HIC2: variants seen among roughly 807,000 people sequenced by gnomAD.
HIC2 encodes hypermethylated in cancer 2 protein.
HIC2 carries 2 observed loss-of-function variants against 39.5 expected under a neutral mutation model. That is an observed-to-expected ratio of 0.05 (90% CI 0.02 to 0.16). HIC2 has a LOEUF of 0.16. HIC2 is among the 10% of genes least tolerant of loss of function. The pLI is 1.00. For missense variants in HIC2, 713 were observed against 863.5 expected, an observed-to-expected ratio of 0.83 and a Z score of 2.18; for synonymous variants, 399 against 368.8, an observed-to-expected ratio of 1.08 and a Z score of -0.94.
rs1318800913 is a variant in HIC2 at position 21,447,699 on chromosome 22, G to A, written c.*956G>A. 1 of 150,958 alleles carries A rather than the reference G, an allele frequency of 6.6e-6. No individual in the cohort carries two copies. The highest frequency in any genetic ancestry group is 2.5e-5 in the African/African-American group (1 of 40,706). 9.4% of individuals were successfully genotyped at this position (150,958 alleles called of 1,614,324 possible). A position where few individuals can be genotyped will look rare whatever the true frequency, so the allele number is the denominator to read the frequency against. ...GTTTATGTGACTGTTTGAACTGGAA[G>A]GTCTGGGGTTCCGGGGGGTGGGGGG... On this transcript the variant is annotated 3_prime_UTR_variant, in exon 3 of 3. Coordinates refer to ENST00000407464, the MANE Select transcript of HIC2 (RefSeq NM_015094.3).
chr22:21,445,656 C>T lies in HIC2; in HGVS notation c.761C>T (p.Pro254Leu). 6.2e-7 allele frequency: 1 copy of T among 1,601,694 alleles called. No individual in the cohort carries two copies. Among genetic ancestry groups the T allele is most frequent in the Non-Finnish European group, 8.5e-7 (1 of 1,175,200 alleles). The change falls in exon 3 of 3, where the codon CCA (proline) becomes CTA (leucine). Residue 254 changes from proline to leucine, a missense_variant. Physicochemically the swap from Pro to Leu is moderately conservative, Grantham distance 98 (BLOSUM62 -3). Coordinates refer to ENST00000407464, the MANE Select transcript of HIC2 (RefSeq NM_015094.3). Reference protein sequence around the residue: ...ELGLDLSKKSPPLPPATPGPH... With the variant: ...ELGLDLSKKSLPLPPATPGPH... The stretch of plus-strand genomic sequence containing the variant: ...GGCTTGGACCTGTCCAAGAAAAGCC[C>T]ACCCTTGCCCCCTGCCACCCCAGGT...
chr22:21,438,066 G>A (rs1923456707), intron 1 of HIC2, among the ~76,000 whole-genome samples: 1 of 147,592 alleles, frequency 6.8e-6, no homozygotes, highest in Non-Finnish European at 1.5e-5. Context: ...AGGATCCTAG[G>A]AGGGCTAGGC....
chr22:21,421,758 T>C (rs1923083094), intron 1 of HIC2, among the ~76,000 whole-genome samples: 1 of 74,424 alleles, frequency 1.3e-5, no homozygotes. Flanking sequence ...TGGGGTGTGG[T>C]GAGGAGGGAG....
At position 21,417,523 on chromosome 22, in the gene HIC2, C is replaced by T. The variant is rs1922911932; in HGVS notation, c.-111C>T. On this transcript the variant is annotated 5_prime_UTR_variant, in exon 1 of 3. Transcript: ENST00000407464. ...GACAAGGGCCGCTGGTAGGGCCGGC[C>T]GGCCGGCGGGCGGAGCGCCGCCGCC... 6.8e-6 allele frequency: 1 copy of T among 146,282 alleles called. No homozygotes were observed. The highest frequency in any genetic ancestry group is 1.5e-5 in the Non-Finnish European group (1 of 65,910). 9.1% of individuals were successfully genotyped at this position (146,282 alleles called of 1,614,324 possible).
Position 21,451,404 on chromosome 22 carries a change from A to C in HIC2, c.*4661A>C, listed in dbSNP as rs751051115. 1 of 152,798 alleles carries C rather than the reference A, an allele frequency of 6.5e-6. No homozygotes were observed. The highest frequency in any genetic ancestry group is 2.4e-5 in the African/African-American group (1 of 41,448). The allele number at this position is 152,798 out of a possible 1,614,324, so 9.5% of individuals were successfully genotyped here. A position where few individuals can be genotyped will look rare whatever the true frequency, so the allele number is the denominator to read the frequency against. On this transcript the variant is annotated 3_prime_UTR_variant, in exon 3 of 3. Transcript: ENST00000407464. ...CTCCATTCAGAAGTGTGCAGTCTTA[A>C]ATGTACAGCGATAAGAAACTGTTAT... is the stretch of plus-strand genomic sequence containing the variant.
At position 21,446,646 on chromosome 22, in the gene HIC2, C is replaced by T. The variant is rs1285178042; in HGVS notation, c.1751C>T (p.Ser584Leu). The T allele has an allele frequency of 2.5e-6, 4 of 1,613,876 alleles. No homozygotes were observed. Among genetic ancestry groups the T allele is most frequent in the African/African-American group, 1.3e-5 (1 of 75,050 alleles). ...CTCACGGAGCACATGCGTGTGCACT[C>T]GGGCGAGAAACCTTACGAGTGCCAG... ...YRLTEHMRVH[S>L]GEKPYECQLC... The change falls in exon 3 of 3, where the codon TCG (serine) becomes TTG (leucine). Residue 584 changes from serine (S) to leucine (L), a missense_variant. Physicochemically the swap from Ser to Leu is moderately radical, Grantham distance 145 (BLOSUM62 -2). This residue lies in a region of HIC2 where 40 missense variants were observed against 124.4 expected (regional missense o/e 0.32). Coordinates refer to ENST00000407464, the MANE Select transcript of HIC2 (RefSeq NM_015094.3).
In HIC2 at chr22:21,445,485, C is replaced by A; in HGVS notation, c.590C>A (p.Ser197Ter). Reference protein sequence around the residue: ...APQELPQAKGSDDELFLGGSN... With the variant: ...APQELPQAKG ...CAGGAGCTCCCCCAAGCCAAAGGCT[C>A]AGACGATGAACTCTTTCTTGGTGGC... Residue 197 changes from serine (S) to a stop codon, truncating the protein, a stop_gained, in exon 3 of 3, where the codon TCA (serine) becomes TAA (stop). Coordinates refer to ENST00000407464, the MANE Select transcript of HIC2 (RefSeq NM_015094.3). LOFTEE classifies it high-confidence loss of function. The A allele has an allele frequency of 1.3e-6, 2 of 1,576,724 alleles. No individual in the cohort carries two copies. Among genetic ancestry groups the A allele is most frequent in the Admixed American group, 1.9e-5 (1 of 51,708 alleles).
chr22:21,438,268 C>G (rs1463595769), intron 1 of HIC2, among the ~76,000 whole-genome samples: 2 of 152,122 alleles, frequency 1.3e-5, no homozygotes, highest in African/African-American at 2.4e-5. Context: ...GTCATGGCCT[C>G]CAGAAGGAGC....
At position 21,450,182 on chromosome 22, in the gene HIC2, C is replaced by T. The variant is rs777256361; in HGVS notation, c.*3439C>T. On this transcript the variant is annotated 3_prime_UTR_variant, in exon 3 of 3. Coordinates refer to ENST00000407464, the MANE Select transcript of HIC2 (RefSeq NM_015094.3). ...GGTGGCAGGCCGGGCTCCGCCACTG[C>T]ATGCTCCCGCCGGACCGAGCCCCAG... 13 of 152,732 alleles carry T rather than the reference C, an allele frequency of 8.5e-5. No homozygotes were observed. Among genetic ancestry groups the T allele is most frequent in the South Asian group, 2.1e-4 (1 of 4,834 alleles). 9.5% of individuals were successfully genotyped at this position (152,732 alleles called of 1,614,324 possible).
chr22:21,432,644 C>G (rs1455853832), intron 1 of HIC2, among the ~76,000 whole-genome samples: 1 of 134,752 alleles, frequency 7.4e-6, no homozygotes. Context: ...CCATGGCACT[C>G]TAGCCTGGGC....
chr22:21,446,861 C>T lies in HIC2; in HGVS notation c.*118C>T, dbSNP rs1923873310. 7.5e-7 allele frequency: 1 copy of T among 1,331,300 alleles called. No homozygotes were observed. The highest frequency in any genetic ancestry group is 2.7e-5 in the Admixed American group (1 of 37,720). The allele number at this position is 1,331,300 out of a possible 1,614,324, so 82.5% of individuals were successfully genotyped here. On this transcript the variant is annotated 3_prime_UTR_variant, in exon 3 of 3. Transcript: ENST00000407464. ...TGGGTCCAGTGGAGGCTCCGGGTGG[C>T]CCCTCTGGCCCCCACTGCCCACACC...
chr22:21,449,834 C>T lies in HIC2; in HGVS notation c.*3091C>T, dbSNP rs751985491. 34 of 152,756 alleles carry T rather than the reference C, an allele frequency of 2.2e-4. No homozygotes were observed. Among genetic ancestry groups the T allele is most frequent in the Non-Finnish European group, 2.3e-4 (16 of 68,100 alleles). The allele number at this position is 152,756 out of a possible 1,614,324, so 9.5% of individuals were successfully genotyped here. Reference sequence around the variant, plus strand: ...ATGCTGGTCCTGACCAGCTAGCCTACGCGGGGATGGCCGTCAGTTCTGGCC... The same window carrying T: ...ATGCTGGTCCTGACCAGCTAGCCTATGCGGGGATGGCCGTCAGTTCTGGCC... On this transcript the variant is annotated 3_prime_UTR_variant, in exon 3 of 3. Transcript: ENST00000407464.
rs566005051 is a variant in HIC2, at chr22:21,449,053, A to G, written c.*2310A>G. On this transcript the variant is annotated 3_prime_UTR_variant, in exon 3 of 3. Coordinates refer to ENST00000407464, the MANE Select transcript of HIC2 (RefSeq NM_015094.3). ...TTGCAGAACTTCAGGGACTGGGAGC[A>G]GAGGCCCCTCACTCAACGACGTTTG... 3.3e-5 allele frequency: 5 copies of G among 152,714 alleles called. No individual in the cohort carries two copies. The highest frequency in any genetic ancestry group is 1.2e-4 in the African/African-American group (5 of 41,460). The allele number at this position is 152,714 out of a possible 1,614,324, so 9.5% of individuals were successfully genotyped here. A position where few individuals can be genotyped will look rare whatever the true frequency, so the allele number is the denominator to read the frequency against.
intron 2 of HIC2, among the ~76,000 whole-genome samples, chr22:21,443,984 C>G (rs1482382177): frequency 6.6e-6 from 1 of 152,228 alleles, no homozygotes; most frequent in Non-Finnish European, 1.5e-5. Context: ...CTGTGGGGTG[C>G]CTGGTCCATG....
In HIC2 at chr22:21,450,321, C is replaced by G. The variant is rs533358611; in HGVS notation, c.*3578C>G. The G allele has an allele frequency of 6.5e-6, 1 of 152,938 alleles. No individual in the cohort carries two copies. Among genetic ancestry groups the G allele is most frequent in the African/African-American group, 2.4e-5 (1 of 41,578 alleles). 9.5% of individuals were successfully genotyped at this position (152,938 alleles called of 1,614,324 possible). On this transcript the variant is annotated 3_prime_UTR_variant, in exon 3 of 3. Coordinates refer to ENST00000407464, the MANE Select transcript of HIC2 (RefSeq NM_015094.3). Reference sequence around the variant, plus strand: ...CATACACCTCAGCCTGTGAAATGAACGATCCGGACCCTCACCAACTTTCCC... The same window carrying G: ...CATACACCTCAGCCTGTGAAATGAAGGATCCGGACCCTCACCAACTTTCCC...
At chr22:21,443,696 C>T (rs1923642808) in intron 2 of HIC2, among the ~76,000 whole-genome samples, 1 of 152,148 alleles carries the variant, frequency 6.6e-6, no homozygotes, top group African/African-American at 2.4e-5. Flanking sequence ...AGGTGGCCAC[C>T]TGGACACTGG....
intron 2 of HIC2, among the ~76,000 whole-genome samples, 160 bp from the exon 3 acceptor site, chr22:21,444,762 G>A (rs1923705701): frequency 6.6e-6 from 1 of 152,218 alleles, no homozygotes; most frequent in Admixed American, 6.5e-5. Flanking sequence ...GCATGTGGTG[G>A]GCATTGTGGG....
intron 1 of HIC2, among the ~76,000 whole-genome samples, chr22:21,425,458 T>C (rs1293900023): frequency 3.4e-5 from 5 of 148,560 alleles, no homozygotes. Context: ...AACCTCCACC[T>C]CCTGGGTTCA....
chr22:21,448,585 TAC>T lies in HIC2; in HGVS notation c.*1844_*1845del, dbSNP rs1461130845. On this transcript the variant is annotated 3_prime_UTR_variant, in exon 3 of 3. Coordinates refer to ENST00000407464, the MANE Select transcript of HIC2 (RefSeq NM_015094.3). ...CTATTTTAAGTTTAGACCAAAAAAA[TAC>T]AGAGTCATCCCCTACCCCCACCCCT... 6.6e-6 allele frequency: 1 copy of T among 152,614 alleles called. No homozygotes were observed. The highest frequency in any genetic ancestry group is 2.4e-5 in the African/African-American group (1 of 41,388). 9.5% of individuals were successfully genotyped at this position (152,614 alleles called of 1,614,324 possible). A position where few individuals can be genotyped will look rare whatever the true frequency, so the allele number is the denominator to read the frequency against.
Sources: gnomAD v4.1 joint callset for allele counts (sites outside exome capture counted in the v4.1 genomes callset) on GRCh38, gnomAD v4.1.1 for gene constraint, gnomAD v4.1.1 regional missense constraint, MANE v1.5 for transcripts, NCBI Gene and HGNC (gene_info 2026-07-23, HGNC 2026-07-21) for gene names.